PLEKHG1: variants seen among roughly 807,000 people sequenced by gnomAD.
PLEKHG1 encodes pleckstrin homology and RhoGEF domain containing G1, also known as pleckstrin homology domain-containing family G member 1.
A neutral mutation model predicts 100.8 loss-of-function variants in PLEKHG1; 44 were observed. The ratio of observed to expected loss-of-function variants is 0.44; its 90% CI spans 0.34 to 0.56. The LOEUF is 0.56. PLEKHG1 is among the 20% of genes least tolerant of loss of function. The pLI is 0.01. For synonymous variants in PLEKHG1, 640 were observed against 662.5 expected (o/e 0.97, Z 0.52); for missense variants, 1,545 against 1,720.9 (o/e 0.90, Z 1.81).
chr6:150,652,672 A>G (rs928521728), intron 3 of PLEKHG1, among the ~76,000 whole-genome samples: 1 of 151,602 alleles, frequency 6.6e-6, no homozygotes, highest in Non-Finnish European at 1.5e-5. Context: ...GTGAGCCGAG[A>G]TCGCACCATT....
chr6:150,780,172 G>A (rs1470797825), intron 3 of PLEKHG1, among the ~76,000 whole-genome samples: 70 of 135,896 alleles, frequency 5.2e-4, no homozygotes, highest in African/African-American at 1.8e-3. Context: ...GTCTTGCTCT[G>A]TTGCCCAGGC....
intron 3 of PLEKHG1, among the ~76,000 whole-genome samples, chr6:150,784,431 C>T (rs1785489896): frequency 6.6e-6 from 1 of 152,110 alleles, no homozygotes; most frequent in African/African-American, 2.4e-5. Flanking sequence ...ACATCATTAG[C>T]CAAGTGCGAA....
At chr6:150,750,397 G>A (rs1783436611) in intron 2 of PLEKHG1, among the ~76,000 whole-genome samples, 1 of 152,166 alleles carries the variant, frequency 6.6e-6, no homozygotes, top group African/African-American at 2.4e-5. Flanking sequence ...AGTCTCTGGG[G>A]CCGGGGTCCG....
At chr6:150,693,706 G>A (rs1425235450) in intron 3 of PLEKHG1, among the ~76,000 whole-genome samples, 2 of 152,122 alleles carry the variant, frequency 1.3e-5, no homozygotes, top group African/African-American at 2.4e-5. Context: ...GAGCCAGCTC[G>A]ATACCCAGCC....
At chr6:150,778,637 CT>C (rs1043851359) in intron 3 of PLEKHG1, among the ~76,000 whole-genome samples, 3 of 152,146 alleles carry the variant, frequency 2.0e-5, no homozygotes, top group African/African-American at 7.2e-5. Context: ...CTTTTCACCC[CT>C]GGTCAGATCA....
chr6:150,621,279 A>G (rs892085298), intron 1 of PLEKHG1, among the ~76,000 whole-genome samples: 7 of 152,132 alleles, frequency 4.6e-5, no homozygotes, highest in African/African-American at 1.4e-4. Context: ...GCTAGGAGAT[A>G]ATAAAAGTCA....
upstream of PLEKHG1, among the ~76,000 whole-genome samples, chr6:150,719,403 T>C (rs1269729423): frequency 6.6e-6 from 1 of 152,218 alleles, no homozygotes; most frequent in East Asian, 1.9e-4. Flanking sequence ...CTAGAACCTC[T>C]GTGTATTTTA....
chr6:150,683,870 G>A lies in PLEKHG1; in HGVS notation c.-99+33084G>A. 8.0e-7 allele frequency: 1 copy of A among 1,243,106 alleles called. No homozygotes were observed. Among genetic ancestry groups the A allele is most frequent in the Non-Finnish European group, 1.0e-6 (1 of 952,452 alleles). The allele number at this position is 1,243,106 out of a possible 1,614,324, so 77.0% of individuals were successfully genotyped here. ...AGTGAAATATGGGAATATTGAAGGG[G>A]CCTGGGATGGAGGTAAGATGGAGCG... On this transcript the variant is annotated intron_variant, in intron 3 of 3. Transcript: ENST00000367326. This position sits in a 1 kb window ranked among gnomAD's most constrained non-coding sequence, Gnocchi z 4.0.
intron 3 of PLEKHG1, among the ~76,000 whole-genome samples, chr6:150,714,259 T>C (rs1407315498): frequency 2.0e-5 from 3 of 152,236 alleles, no homozygotes; most frequent in Non-Finnish European, 2.9e-5. Context: ...TTTGCTTGCT[T>C]GATATCTAAA....
At chr6:150,630,331 C>A (rs1777693353) in intron 1 of PLEKHG1, among the ~76,000 whole-genome samples, 1 of 152,090 alleles carries the variant, frequency 6.6e-6, no homozygotes, top group South Asian at 2.1e-4. Flanking sequence ...GATCAGTGGC[C>A]AGGAGGTGAC....
intron 6 of PLEKHG1, among the ~76,000 whole-genome samples, chr6:150,802,982 T>C (rs1422157893): frequency 6.6e-6 from 1 of 152,164 alleles, no homozygotes; most frequent in East Asian, 1.9e-4. Flanking sequence ...TTCAAAGTTA[T>C]GTAGCTATCC....
intron 3 of PLEKHG1, among the ~76,000 whole-genome samples, chr6:150,769,849 C>T (rs1784628176): frequency 6.6e-6 from 1 of 152,050 alleles, no homozygotes; most frequent in Non-Finnish European, 1.5e-5. Context: ...TCATGGCACT[C>T]GTCAATTTTT....
intron 6 of PLEKHG1, among the ~76,000 whole-genome samples, chr6:150,804,157 A>ATC (rs1786881426): frequency 5.4e-5 from 1 of 18,646 alleles, no homozygotes; most frequent in African/African-American, 1.9e-4. Flanking sequence ...TAAATATTTT[A>ATC]TATATATATA....
intron 1 of PLEKHG1, among the ~76,000 whole-genome samples, chr6:150,632,229 C>T (rs751504920): frequency 1.2e-4 from 19 of 152,214 alleles, no homozygotes; most frequent in Admixed American, 7.2e-4. Context: ...TGGAAGAAAT[C>T]ACCAGGGTAT....
intron 1 of PLEKHG1, among the ~76,000 whole-genome samples, chr6:150,637,136 A>G (rs997573820): frequency 1.3e-5 from 2 of 152,208 alleles, no homozygotes; most frequent in Non-Finnish European, 2.9e-5. Flanking sequence ...TCTTATTTCT[A>G]TAGCCAAACT....
At chr6:150,634,243 TCC>T (rs372926333) in intron 1 of PLEKHG1, among the ~76,000 whole-genome samples, 3 of 90,344 alleles carry the variant, frequency 3.3e-5, no homozygotes, top group South Asian at 3.4e-4. Context: ...AAACTCGATC[TCC>T]CCCCCAAAAA....
chr6:150,701,547 T>G, intron 3 of PLEKHG1, among the ~76,000 whole-genome samples: 1 of 143,754 alleles, frequency 7.0e-6, no homozygotes, highest in African/African-American at 2.5e-5. Context: ...GTTGGTGTGC[T>G]GCACCCATTA....
At chr6:150,773,990 C>T (rs1418941510) in intron 3 of PLEKHG1, among the ~76,000 whole-genome samples, 2 of 152,088 alleles carry the variant, frequency 1.3e-5, no homozygotes, top group Non-Finnish European at 2.9e-5. Flanking sequence ...AACATTTTCT[C>T]TATTGTTTAA....
chr6:150,706,676 T>A (rs1158340576), intron 3 of PLEKHG1, among the ~76,000 whole-genome samples: 1 of 151,824 alleles, frequency 6.6e-6, no homozygotes, highest in Non-Finnish European at 1.5e-5. Context: ...TCTGTTTGGT[T>A]TGGCAGAATT....
Sources: gnomAD v4.1 joint callset for allele counts (sites outside exome capture counted in the v4.1 genomes callset) on GRCh38, gnomAD v4.1.1 for gene constraint, Gnocchi (gnomAD v3.1) non-coding constraint, MANE v1.5 for transcripts, NCBI Gene and HGNC (gene_info 2026-07-23, HGNC 2026-07-21) for gene names.